Variants in EPHA5 observed in about 807,000 individuals in gnomAD.
The protein encoded by EPHA5 is ephrin type-A receptor 5.
Under a neutral mutation model 105.0 loss-of-function variants are expected in EPHA5, and 60 were observed. That is an observed-to-expected ratio of 0.57 (90% CI 0.46 to 0.71). The LOEUF (loss-of-function observed/expected upper bound fraction) is 0.71, where lower values mean the gene tolerates loss of function less well. Among genes scored for constraint, EPHA5 ranks in the 30% least tolerant of loss-of-function variants. The pLI is 0.00. For synonymous variants in EPHA5, 513 were observed against 449.1 expected, an observed-to-expected ratio of 1.14 and a Z score of -1.80; for missense variants, 1,218 against 1,274.7, an observed-to-expected ratio of 0.96 and a Z score of 0.68.
At chr4:65,328,655 T>G (rs1233546781) in intron 16 of EPHA5, among the ~76,000 whole-genome samples, 1 of 151,104 alleles carries the variant, frequency 6.6e-6, no homozygotes, top group African/African-American at 2.4e-5. Context: ...GTCATTTTTT[T>G]TTTTGTTAAC....
intron 12 of EPHA5, among the ~76,000 whole-genome samples, chr4:65,352,406 C>T (rs143596460): frequency 6.6e-6 from 1 of 152,076 alleles, no homozygotes; most frequent in East Asian, 1.9e-4. Context: ...TTAATCAGGC[C>T]TGCAAATATG....
intron 2 of EPHA5, among the ~76,000 whole-genome samples, chr4:65,628,794 G>A (rs1232163843): frequency 6.6e-6 from 1 of 152,164 alleles, no homozygotes; most frequent in East Asian, 1.9e-4. Flanking sequence ...AAGCACAGCA[G>A]AGCCTGTGTG....
At chr4:65,633,941 C>G (rs980802786) in intron 2 of EPHA5, among the ~76,000 whole-genome samples, 1 of 151,976 alleles carries the variant, frequency 6.6e-6, no homozygotes, top group Admixed American at 6.6e-5. Flanking sequence ...GGATAACACA[C>G]CTGTACACGT....
intron 8 of EPHA5, among the ~76,000 whole-genome samples, chr4:65,394,536 G>T (rs1432539413): frequency 2.6e-5 from 4 of 152,042 alleles, no homozygotes; most frequent in Admixed American, 2.6e-4. Flanking sequence ...GGTGTGTAGA[G>T]GAAACAATCA....
intron 8 of EPHA5, among the ~76,000 whole-genome samples, chr4:65,370,433 T>A (rs1022015315): frequency 3.3e-5 from 5 of 152,246 alleles, no homozygotes; most frequent in Non-Finnish European, 7.4e-5. Context: ...GTTATTTAAA[T>A]AATACTGACA....
intron 3 of EPHA5, among the ~76,000 whole-genome samples, chr4:65,591,972 G>A (rs1009319557): frequency 4.6e-5 from 7 of 151,970 alleles, no homozygotes; most frequent in Non-Finnish European, 1.0e-4. Context: ...GTATTGGGAA[G>A]GTTCAAGTAA....
In EPHA5 at chr4:65,545,400, G is replaced by A. The variant is rs982443883; in HGVS notation, c.911-49857C>T. Among the ~76,000 whole-genome samples the A allele has an allele frequency of 5.3e-5, 8 of 151,686 alleles. 1 individual carries two copies. Among genetic ancestry groups the A allele is most frequent in the East Asian group, 1.9e-4 (1 of 5,166 alleles). On this transcript the variant is annotated intron_variant, in intron 3 of 16. Transcript: ENST00000613740. ...AATGAGGTATCTATGAAGATCGTAT[G>A]TTGATGTCTTGACTAACACACATCT...
chr4:65,573,008 G>A (rs1164172447), intron 3 of EPHA5, among the ~76,000 whole-genome samples: 2 of 151,932 alleles, frequency 1.3e-5, no homozygotes, highest in African/African-American at 2.4e-5. Context: ...TCAAGCCCGG[G>A]CAACAGAGTG....
chr4:65,550,172 T>TAA (rs1393433941), intron 3 of EPHA5, among the ~76,000 whole-genome samples: 1 of 151,896 alleles, frequency 6.6e-6, no homozygotes, highest in Non-Finnish European at 1.5e-5. Context: ...TTTACTGAAC[T>TAA]AAGTCAAACA....
chr4:65,627,614 A>G (rs536788938), intron 2 of EPHA5, among the ~76,000 whole-genome samples: 11 of 152,306 alleles, frequency 7.2e-5, no homozygotes, highest in African/African-American at 2.6e-4. Context: ...AGAGAGAAAG[A>G]TAAAGACAGA....
chr4:65,435,582 T>C (rs1385997574), intron 5 of EPHA5, among the ~76,000 whole-genome samples: 1 of 152,052 alleles, frequency 6.6e-6, no homozygotes, highest in Non-Finnish European at 1.5e-5. Flanking sequence ...AACAAAGCAC[T>C]TGTCTAGATG....
At chr4:65,612,012 C>G (rs1467770032) in intron 2 of EPHA5, among the ~76,000 whole-genome samples, 17 of 57,910 alleles carry the variant, frequency 2.9e-4, no homozygotes, top group African/African-American at 8.8e-4. Context: ...GCGAGACCCT[C>G]TCTCAAAAAA....
intron 7 of EPHA5, among the ~76,000 whole-genome samples, chr4:65,413,526 T>A (rs1723109675): frequency 1.3e-5 from 2 of 152,130 alleles, no homozygotes; most frequent in African/African-American, 4.8e-5. Flanking sequence ...ATGCATTTTA[T>A]TTTCTTTATT....
chr4:65,409,346 A>AAAATTAAATAAAT (rs1722694417), intron 7 of EPHA5, among the ~76,000 whole-genome samples: 1 of 134,212 alleles, frequency 7.5e-6, no homozygotes, highest in South Asian at 2.5e-4. Flanking sequence ...ATAATAATAA[A>AAAATTAAATAAAT]AAATAAATAA....
chr4:65,656,597 A>G (rs1473220759), intron 1 of EPHA5, among the ~76,000 whole-genome samples: 1 of 147,264 alleles, frequency 6.8e-6, no homozygotes, highest in Non-Finnish European at 1.5e-5. Flanking sequence ...TTATATATAT[A>G]TAATATATAT....
chr4:65,572,762 G>A (rs1740326816), intron 3 of EPHA5, among the ~76,000 whole-genome samples: 1 of 152,172 alleles, frequency 6.6e-6, no homozygotes, highest in Admixed American at 6.5e-5. Flanking sequence ...TGGGCGTGGT[G>A]GCTCACGCCT....
chr4:65,534,576 G>A (rs1736117263), intron 3 of EPHA5, among the ~76,000 whole-genome samples: 2 of 152,118 alleles, frequency 1.3e-5, no homozygotes. Flanking sequence ...TAAGGTAACT[G>A]GGCAGACAAA....
intron 15 of EPHA5, among the ~76,000 whole-genome samples, chr4:65,332,489 C>T (rs1017642501): frequency 6.6e-6 from 1 of 150,754 alleles, no homozygotes; most frequent in Non-Finnish European, 1.5e-5. Flanking sequence ...CACATTTGTC[C>T]AAATCTGTAA....
intron 1 of EPHA5, among the ~76,000 whole-genome samples, chr4:65,663,820 C>A (rs1347797503): frequency 1.3e-5 from 2 of 151,848 alleles, no homozygotes; most frequent in Non-Finnish European, 2.9e-5. Flanking sequence ...AAGAAAAATG[C>A]AAATTCCAAT....
Sources: gnomAD v4.1 joint callset for allele counts (sites outside exome capture counted in the v4.1 genomes callset) on GRCh38, gnomAD v4.1.1 for gene constraint, MANE v1.5 for transcripts, NCBI Gene and HGNC (gene_info 2026-07-23, HGNC 2026-07-21) for gene names.